The following GLIPR1L2 variants were observed in gnomAD, a reference collection of about 807,000 sequenced individuals.
GLIPR1L2 encodes the protein GLIPR1-like protein 2.
Under a neutral mutation model 28.4 loss-of-function variants are expected in GLIPR1L2, and 21 were observed. The observed-to-expected ratio is 0.74, with a 90% CI of 0.52 to 1.06. The LOEUF is 1.06. Ranked by LOEUF, GLIPR1L2 falls within the 50% of genes least tolerant of loss-of-function variation. The pLI is 0.00. For synonymous variants in GLIPR1L2, 145 were observed against 139.3 expected (o/e 1.04, Z -0.29); for missense variants, 476 against 416.9 (o/e 1.14, Z -1.23).
rs890688766 is a variant in GLIPR1L2 at position 75,430,933 on chromosome 12, A to G, written c.807A>G (p.Ile269Met). 3.1e-5 allele frequency: 47 copies of G among 1,535,454 alleles called. No individual in the cohort carries two copies. In the African/African-American group the frequency reaches 6.3e-4, roughly 21 times the overall value. Residue 269 changes from isoleucine to methionine, a missense_variant, in exon 6 of 6, where the codon ATA becomes ATG. Ile to Met is a conservative substitution (Grantham distance 10). Coordinates refer to ENST00000550916, the MANE Select transcript of GLIPR1L2 (RefSeq NM_001270396.2). ...TATTATGTTTTATCCTGTGTGTCAT[A>G]ACTGTTTTGATAGTACAGTCTCAGT... ...LRILCFILCV[I>M]TVLIVQSQFP...
chr12:75,402,206 TA>T (rs1442610751), intron 1 of GLIPR1L2, among the ~76,000 whole-genome samples: 1 of 152,080 alleles, frequency 6.6e-6, no homozygotes, highest in African/African-American at 2.4e-5. Flanking sequence ...AGTTGCAAAG[TA>T]AATACAGAAA....
At chr12:75,416,450 T>C (rs549018829) in intron 3 of GLIPR1L2, among the ~76,000 whole-genome samples, 1 of 152,144 alleles carries the variant, frequency 6.6e-6, no homozygotes, top group African/African-American at 2.4e-5. Flanking sequence ...CACTACGCTA[T>C]TTTAAACTAA....
At chr12:75,407,413 A>G (rs1392109789) in intron 1 of GLIPR1L2, among the ~76,000 whole-genome samples, 2 of 151,608 alleles carry the variant, frequency 1.3e-5, no homozygotes, top group African/African-American at 4.9e-5. Context: ...ATTAAAAGAC[A>G]GAGAGAATAA....
At chr12:75,395,990 TA>T (rs1025650287) in intron 1 of GLIPR1L2, among the ~76,000 whole-genome samples, 3 of 151,980 alleles carry the variant, frequency 2.0e-5, no homozygotes, top group Non-Finnish European at 2.9e-5. Flanking sequence ...TTCATCTTTT[TA>T]AAAAAAATGT....
chr12:75,410,324 G>A (rs2045852057), intron 1 of GLIPR1L2, 110 bp from the exon 2 acceptor site: 2 of 1,051,324 alleles, frequency 1.9e-6, no homozygotes, highest in East Asian at 5.5e-5. Context: ...AGATGCACAA[G>A]TACAAAGTTA....
intron 3 of GLIPR1L2, among the ~76,000 whole-genome samples, chr12:75,418,710 T>C (rs1594023597): frequency 6.6e-6 from 1 of 152,194 alleles, no homozygotes; most frequent in Non-Finnish European, 1.5e-5. Flanking sequence ...TCCAGTTCTG[T>C]GAAGAAAGTC....
intron 1 of GLIPR1L2, among the ~76,000 whole-genome samples, chr12:75,393,618 C>A (rs565623899): frequency 1.3e-4 from 20 of 152,146 alleles, no homozygotes; most frequent in African/African-American, 4.8e-4. Flanking sequence ...TATGCATATA[C>A]CACATTTTGT....
At chr12:75,391,481 A>G (rs1398634619) in intron 1 of GLIPR1L2, 131 bp downstream of exon 1, 2 of 1,550,582 alleles carry the variant, frequency 1.3e-6, no homozygotes, top group Non-Finnish European at 1.7e-6. Context: ...CTTGGTTTTT[A>G]AAGTACACGT....
chr12:75,417,367 G>C (rs2045933297), intron 3 of GLIPR1L2, among the ~76,000 whole-genome samples: 1 of 152,130 alleles, frequency 6.6e-6, no homozygotes, highest in Non-Finnish European at 1.5e-5. Context: ...AAGAGCCTTT[G>C]AAGGGAACAC....
chr12:75,400,340 TC>T (rs367765098), intron 1 of GLIPR1L2, among the ~76,000 whole-genome samples: 275 of 152,208 alleles, frequency 1.8e-3, no homozygotes, highest in African/African-American at 6.3e-3. Flanking sequence ...TATAGGATGG[TC>T]TCAATCTCCT....
In GLIPR1L2 at chr12:75,402,859, C is replaced by G. The variant is rs548427266; in HGVS notation, c.235-7575C>G. Among the ~76,000 whole-genome samples, 25 of 152,322 alleles carry G rather than the reference C, an allele frequency of 1.6e-4. 1 individual carries two copies. In the South Asian group the frequency reaches 5.2e-3, roughly 32 times the overall value. ...TTCTCCATGCACTGACTTCCTCACT[C>G]TGTTCCATGGGTATAAATCCCCACT... On this transcript the variant is annotated intron_variant, in intron 1 of 5. Coordinates refer to ENST00000550916, the MANE Select transcript of GLIPR1L2 (RefSeq NM_001270396.2).
chr12:75,397,196 G>C (rs2045690299), intron 1 of GLIPR1L2, among the ~76,000 whole-genome samples: 1 of 151,518 alleles, frequency 6.6e-6, no homozygotes, highest in South Asian at 2.1e-4. Context: ...TCATTCACTA[G>C]TTTTCTCTTC....
Position 75,394,763 on chromosome 12 carries a change from CAA to C in GLIPR1L2, c.234+3433_234+3434del, listed in dbSNP as rs71078727. Among the ~76,000 whole-genome samples, 758 of 80,270 alleles carry C rather than the reference CAA, an allele frequency of 9.4e-3. 5 individuals carry two copies. The highest frequency in any genetic ancestry group is 0.025 in the African/African-American group (516 of 21,024). 52.7% of individuals were successfully genotyped at this position (80,270 alleles called of 152,430 possible). On this transcript the variant is annotated intron_variant, in intron 1 of 5. Coordinates refer to ENST00000550916, the MANE Select transcript of GLIPR1L2 (RefSeq NM_001270396.2). ...TTTGAGATGTATTTTTGTATTTCTG[CAA>C]AAAAAAAAAAAAAAAAAAACATTAT...
chr12:75,427,768 C>T (rs1410326359), intron 4 of GLIPR1L2, among the ~76,000 whole-genome samples: 1 of 152,160 alleles, frequency 6.6e-6, no homozygotes, highest in Non-Finnish European at 1.5e-5. Context: ...AGTGAGTTCT[C>T]ATGAGATCTG....
At chr12:75,423,455 G>C in intron 4 of GLIPR1L2, 2 of 903,838 alleles carry the variant, frequency 2.2e-6, no homozygotes, top group Non-Finnish European at 2.6e-6. Flanking sequence ...TTTTCTTTTA[G>C]TTTTTCCAAA....
intron 1 of GLIPR1L2, among the ~76,000 whole-genome samples, chr12:75,395,310 G>A (rs1218194350): frequency 6.6e-6 from 1 of 151,932 alleles, no homozygotes; most frequent in Non-Finnish European, 1.5e-5. Flanking sequence ...CTTTTAATGT[G>A]TTGTTAAATT....
intron 4 of GLIPR1L2, among the ~76,000 whole-genome samples, chr12:75,428,444 T>C (rs1215869681): frequency 2.0e-5 from 3 of 152,154 alleles, no homozygotes; most frequent in Admixed American, 2.0e-4. Context: ...GATCTGAAAT[T>C]AAAACCTACG....
intron 3 of GLIPR1L2, among the ~76,000 whole-genome samples, chr12:75,417,870 A>G (rs1466319291): frequency 6.6e-6 from 1 of 152,118 alleles, no homozygotes; most frequent in African/African-American, 2.4e-5. Context: ...TAAAAAGTAA[A>G]ATAAAACAAT....
In GLIPR1L2 at chr12:75,413,626, G is replaced by T; in HGVS notation, c.509G>T (p.Gly170Val). ...QLVWDHSYKV[G>V]CAVTPCSKIG... ...GTTTGGGACCACTCTTACAAAGTTG[G>T]TTGTGCTGTTACTCCATGTTCAAAA... Residue 170 changes from glycine (G) to valine (V), a missense_variant, in exon 3 of 6, where the codon GGT becomes GTT. Transcript: ENST00000550916. 1 of 1,561,316 alleles carries T rather than the reference G, an allele frequency of 6.4e-7. No individual in the cohort carries two copies. Among genetic ancestry groups the T allele is most frequent in the South Asian group, 1.2e-5 (1 of 80,366 alleles).
Sources: allele counts gnomAD v4.1 joint callset (sites outside exome capture counted in the v4.1 genomes callset), GRCh38; gene constraint gnomAD v4.1.1; transcripts MANE v1.5; gene names NCBI Gene and HGNC (gene_info 2026-07-23, HGNC 2026-07-21).